Variants in LINGO2 observed in about 807,000 individuals in gnomAD.
LINGO2 encodes leucine-rich repeat and immunoglobulin-like domain-containing nogo receptor-interacting protein 2.
Under a neutral mutation model 30.6 loss-of-function variants are expected in LINGO2, and 14 were observed. The observed-to-expected ratio is 0.46, with a 90% confidence interval of 0.30 to 0.72. The LOEUF (loss-of-function observed/expected upper bound fraction) is 0.72, where lower values mean the gene tolerates loss of function less well. LINGO2 is among the 30% of genes least tolerant of loss of function. The pLI is 0.07. For missense variants in LINGO2, 729 were observed against 751.7 expected, an observed-to-expected ratio of 0.97 and a Z score of 0.35; for synonymous variants, 317 against 288.5, an observed-to-expected ratio of 1.10 and a Z score of -1.00.
chr9:29,034,004 C>T, the LINGO2 span, among the ~76,000 whole-genome samples: 2 of 151,932 alleles, frequency 1.3e-5, no homozygotes, highest in African/African-American at 4.8e-5. Flanking sequence ...ATCACTTGAA[C>T]CCAGGTGGTG....
At chr9:28,770,999 C>T in the LINGO2 span, among the ~76,000 whole-genome samples, 1 of 152,182 alleles carries the variant, frequency 6.6e-6, no homozygotes, top group African/African-American at 2.4e-5. Context: ...TAAGTGTTCT[C>T]ATTAGCCAAG....
chr9:28,042,034 G>A (rs1461243299), intron 4 of LINGO2, among the ~76,000 whole-genome samples: 1 of 152,126 alleles, frequency 6.6e-6, no homozygotes, highest in Non-Finnish European at 1.5e-5. Flanking sequence ...TAGATTTTCA[G>A]TTTCATCATC....
chr9:28,083,957 ATC>A lies in LINGO2; in HGVS notation c.-86-71554_-86-71553del, dbSNP rs537540557. On this transcript the variant is annotated intron_variant, in intron 4 of 5. Coordinates refer to ENST00000379992, the Ensembl canonical transcript of LINGO2. ...ACTGTGTGTCCACATCAAGATTATA[ATC>A]TGTTTTTTAATTAACTAATAATGAT... is the stretch of plus-strand genomic sequence containing the variant. Among the ~76,000 whole-genome samples, 6 of 152,326 alleles carry A rather than the reference ATC, an allele frequency of 3.9e-5. No homozygotes were observed. In the East Asian group the frequency reaches 9.6e-4, roughly 24 times the overall value.
At chr9:28,498,491 G>T (rs1819749523) in intron 1 of LINGO2, among the ~76,000 whole-genome samples, 1 of 152,176 alleles carries the variant, frequency 6.6e-6, no homozygotes. Context: ...TGTGCCGTTT[G>T]CTAAGACCAT....
At chr9:28,564,274 T>C (rs1160373619) in intron 1 of LINGO2, among the ~76,000 whole-genome samples, 1 of 152,154 alleles carries the variant, frequency 6.6e-6, no homozygotes, top group Non-Finnish European at 1.5e-5. Flanking sequence ...AATCAATCAT[T>C]ATAGGTAGTC....
intron 4 of LINGO2, among the ~76,000 whole-genome samples, chr9:28,171,478 AG>A (rs1464505608): frequency 6.6e-6 from 1 of 152,142 alleles, no homozygotes; most frequent in East Asian, 1.9e-4. Context: ...CAAACTGGGG[AG>A]AGAAGTTGTT....
At chr9:28,514,208 T>A (rs1311646506) in intron 1 of LINGO2, among the ~76,000 whole-genome samples, 1 of 152,200 alleles carries the variant, frequency 6.6e-6, no homozygotes, top group African/African-American at 2.4e-5. Context: ...GACCACTCTA[T>A]TCTTGGAGAC....
the LINGO2 span, among the ~76,000 whole-genome samples, chr9:29,062,028 T>G: frequency 6.6e-6 from 1 of 152,052 alleles, no homozygotes; most frequent in African/African-American, 2.4e-5. Flanking sequence ...AAGACATTTC[T>G]TCAAAACAGA....
At position 28,404,900 on chromosome 9, in the gene LINGO2, T is replaced by TTGTGTGTGTGTG. The variant is rs60281661; in HGVS notation, c.-278-32044_-278-32033dup. Among the ~76,000 whole-genome samples the TTGTGTGTGTGTG allele has an allele frequency of 2.6e-3, 263 of 102,540 alleles. 1 individual carries two copies. The highest frequency in any genetic ancestry group is 4.9e-3 in the African/African-American group (182 of 36,904). 67.3% of individuals were successfully genotyped at this position (102,540 alleles called of 152,430 possible). On this transcript the variant is annotated intron_variant, in intron 2 of 5. Transcript: ENST00000379992. The stretch of plus-strand genomic sequence containing the variant: ...TGTTAAAACTAGAGGCTCAGCCGCT[T>TTGTGTGTGTGTG]TGTGTGTGTGTGTGTGTGTGTGTGT...
At chr9:28,589,985 C>T (rs541819310) in intron 1 of LINGO2, among the ~76,000 whole-genome samples, 66 of 152,232 alleles carry the variant, frequency 4.3e-4, no homozygotes, top group Admixed American at 2.6e-3. Context: ...GAACAGAGCC[C>T]TCAGAGATAA....
chr9:28,682,472 A>G, the LINGO2 span, among the ~76,000 whole-genome samples: 21 of 152,150 alleles, frequency 1.4e-4, no homozygotes, highest in Non-Finnish European at 2.5e-4. Flanking sequence ...GACCTTCTAC[A>G]TGGTTTTTAT....
chr9:28,969,376 T>C, the LINGO2 span, among the ~76,000 whole-genome samples: 1 of 152,148 alleles, frequency 6.6e-6, no homozygotes, highest in Non-Finnish European at 1.5e-5. Flanking sequence ...TAGTGGGCCC[T>C]GTGCTGGTAA....
the LINGO2 span, among the ~76,000 whole-genome samples, chr9:28,743,502 G>C: frequency 6.6e-6 from 1 of 151,874 alleles, no homozygotes; most frequent in Non-Finnish European, 1.5e-5. Flanking sequence ...GTCCCTGCAA[G>C]GGACATGAAC....
At chr9:28,762,575 G>C in the LINGO2 span, among the ~76,000 whole-genome samples, 10 of 151,990 alleles carry the variant, frequency 6.6e-5, no homozygotes, top group Non-Finnish European at 1.5e-5. Flanking sequence ...ATAGGAGCAC[G>C]GCAACTTGAT....
At chr9:29,208,320 C>G in the LINGO2 span, among the ~76,000 whole-genome samples, 1 of 151,994 alleles carries the variant, frequency 6.6e-6, no homozygotes. Context: ...ACTCTTTTTC[C>G]TTGCCGCCTC....
chr9:28,817,410 C>T, the LINGO2 span, among the ~76,000 whole-genome samples: 1 of 152,134 alleles, frequency 6.6e-6, no homozygotes, highest in Non-Finnish European at 1.5e-5. Flanking sequence ...ATGTCAGGAA[C>T]AAAGACACAG....
chr9:28,034,284 A>G (rs1019593342), intron 4 of LINGO2, among the ~76,000 whole-genome samples: 2 of 152,184 alleles, frequency 1.3e-5, no homozygotes, highest in African/African-American at 2.4e-5. Context: ...AGGGCAGAAG[A>G]AAGCCGATTA....
Position 28,129,804 on chromosome 9 carries a change from G to A in LINGO2, c.-86-117399C>T, listed in dbSNP as rs1827334248. The A allele has an allele frequency of 6.6e-6, 1 of 152,048 alleles. No homozygotes were observed. Among genetic ancestry groups the A allele is most frequent in the South Asian group, 2.1e-4 (1 of 4,826 alleles). 9.4% of individuals were successfully genotyped at this position (152,048 alleles called of 1,614,324 possible). A position where few individuals can be genotyped will look rare whatever the true frequency, so the allele number is the denominator to read the frequency against. ...GTCATAAGCTTTTATTTTTTATATTGTTTATTTTTGGTTTAAGAAGGTGAA... is the reference window on the plus strand; with the variant it reads ...GTCATAAGCTTTTATTTTTTATATTATTTATTTTTGGTTTAAGAAGGTGAA... On this transcript the variant is annotated intron_variant, in intron 4 of 5. Coordinates refer to ENST00000379992, the Ensembl canonical transcript of LINGO2. This position sits in a 1 kb window ranked among gnomAD's most constrained non-coding sequence, Gnocchi z 4.0.
the LINGO2 span, among the ~76,000 whole-genome samples, chr9:28,882,019 T>C: frequency 3.8e-4 from 58 of 152,336 alleles, no homozygotes; most frequent in African/African-American, 1.3e-3. Flanking sequence ...GCATTTTAAA[T>C]CTGAAGCACA....
Sources: allele counts gnomAD v4.1 joint callset (sites outside exome capture counted in the v4.1 genomes callset), GRCh38; gene constraint gnomAD v4.1.1; non-coding constraint Gnocchi (gnomAD v3.1); transcripts MANE v1.5; gene names NCBI Gene and HGNC (gene_info 2026-07-23, HGNC 2026-07-21).